Variants in DGKB observed in about 807,000 individuals in gnomAD.
The protein encoded by DGKB is diacylglycerol kinase beta.
In DGKB, 67 loss-of-function variants were observed where a neutral mutation model predicts 114.3. The ratio of observed to expected loss-of-function variants is 0.59; its 90% confidence interval spans 0.48 to 0.72. The LOEUF is 0.72. Ranked by LOEUF, DGKB falls within the 30% of genes least tolerant of loss-of-function variation. DGKB has a pLI of 0.00. For synonymous variants in DGKB, 398 were observed against 323.1 expected, an observed-to-expected ratio of 1.23 and a Z score of -2.49; for missense variants, 907 against 975.2, an observed-to-expected ratio of 0.93 and a Z score of 0.93.
chr7:14,429,894 T>A (rs1370486758), intron 21 of DGKB, among the ~76,000 whole-genome samples: 1 of 151,094 alleles, frequency 6.6e-6, no homozygotes, highest in East Asian at 2.0e-4. Flanking sequence ...GCCACTGGAC[T>A]CCAGCCTGGG....
chr7:14,697,989 GAA>G (rs1824355748), intron 8 of DGKB, 104 bp downstream of exon 8: 1 of 640,812 alleles, frequency 1.6e-6, no homozygotes, highest in South Asian at 1.8e-5. Context: ...AAGAGAGAGA[GAA>G]AGAAAAAAAG....
chr7:14,147,247 G>A lies in DGKB; in HGVS notation c.*1884C>T, dbSNP rs898363967. 4 of 151,988 alleles carry A rather than the reference G, an allele frequency of 2.6e-5. No homozygotes were observed. Among genetic ancestry groups the A allele is most frequent in the Non-Finnish European group, 4.4e-5 (3 of 67,972 alleles). 9.4% of individuals were successfully genotyped at this position (151,988 alleles called of 1,614,324 possible). A position where few individuals can be genotyped will look rare whatever the true frequency, so the allele number is the denominator to read the frequency against. ...AACAACTTTTTTATTTTATACCAGC[G>A]CAAGTGATTGCTGTACTAAATTTGC... is the stretch of plus-strand genomic sequence containing the variant. On this transcript the variant is annotated 3_prime_UTR_variant, in exon 26 of 26. Transcript: ENST00000402815.
intron 23 of DGKB, among the ~76,000 whole-genome samples, chr7:14,273,958 T>C (rs966672306): frequency 6.6e-6 from 1 of 152,240 alleles, no homozygotes; most frequent in Non-Finnish European, 1.5e-5. Flanking sequence ...AATTACTCTT[T>C]TGAGGATTTT....
intron 20 of DGKB, among the ~76,000 whole-genome samples, chr7:14,549,470 T>C (rs1490642230): frequency 6.6e-6 from 1 of 152,144 alleles, no homozygotes; most frequent in Admixed American, 6.5e-5. Context: ...TATATAGTTA[T>C]TTTAAAATAT....
In DGKB at chr7:14,338,568, G is replaced by T; in HGVS notation, c.2069C>A (p.Ser690Tyr). ...ATCTGTGACGGTGGTCCTTTTGTCA[G>T]ACCCTTTTTTCTCTATTCGTCGATG... ...RSHRRIEKKG[S>Y]DKRTTVTDAK... Residue 690 changes from serine to tyrosine, a missense_variant, in exon 23 of 26, where the codon TCT becomes TAT. Ser to Tyr is a moderately radical substitution (Grantham distance 144). This residue lies in a region of DGKB where 814 missense variants were observed against 856.6 expected (regional missense o/e 0.95). Transcript: ENST00000402815. 1 of 1,607,554 alleles carries T rather than the reference G, an allele frequency of 6.2e-7. No homozygotes were observed. Among genetic ancestry groups the T allele is most frequent in the Non-Finnish European group, 8.5e-7 (1 of 1,176,958 alleles).
chr7:14,681,823 C>T (rs1282230463), intron 12 of DGKB, among the ~76,000 whole-genome samples: 4 of 151,938 alleles, frequency 2.6e-5, no homozygotes, highest in African/African-American at 9.7e-5. Flanking sequence ...GGTGAAATTC[C>T]CAAGTGTCCC....
At chr7:14,759,371 C>G (rs79396525) in intron 2 of DGKB, among the ~76,000 whole-genome samples, 1 of 152,066 alleles carries the variant, frequency 6.6e-6, no homozygotes, top group African/African-American at 2.4e-5. Flanking sequence ...ATTTTCATCA[C>G]CCTGTAAAGA....
chr7:14,167,064 A>C (rs2128230947), intron 25 of DGKB, among the ~76,000 whole-genome samples: 1 of 152,026 alleles, frequency 6.6e-6, no homozygotes, highest in Non-Finnish European at 1.5e-5. Context: ...ACAAAAAATT[A>C]CCTGAGCGTA....
intron 13 of DGKB, among the ~76,000 whole-genome samples, chr7:14,668,189 G>C (rs898282019): frequency 5.3e-5 from 8 of 152,040 alleles, no homozygotes; most frequent in Non-Finnish European, 4.4e-5. Context: ...ATGCTACTGG[G>C]ACAATCCTAG....
At chr7:14,607,848 T>TTA (rs397798092) in intron 16 of DGKB, among the ~76,000 whole-genome samples, 1 of 151,870 alleles carries the variant, frequency 6.6e-6, no homozygotes, top group Non-Finnish European at 1.5e-5. Context: ...TGTATTTTTT[T>TTA]AATATTTCAG....
chr7:14,675,254 A>G (rs1819646703), intron 12 of DGKB, among the ~76,000 whole-genome samples: 1 of 152,090 alleles, frequency 6.6e-6, no homozygotes, highest in South Asian at 2.1e-4. Flanking sequence ...TCTTATGCCA[A>G]CGCTGACTAC....
intron 5 of DGKB, among the ~76,000 whole-genome samples, chr7:14,723,563 A>G (rs561833196): frequency 2.0e-5 from 3 of 148,442 alleles, no homozygotes; most frequent in Admixed American, 6.6e-5. Context: ...GTGTGTGTGT[A>G]TATATATGTG....
intron 14 of DGKB, among the ~76,000 whole-genome samples, chr7:14,626,140 G>A (rs541417864): frequency 5.6e-4 from 86 of 152,272 alleles, no homozygotes; most frequent in African/African-American, 2.0e-3. Flanking sequence ...CAGAGGTAGA[G>A]TATTTGTACA....
chr7:14,904,904 A>G (rs1783607808), upstream of DGKB, among the ~76,000 whole-genome samples: 1 of 152,200 alleles, frequency 6.6e-6, no homozygotes, highest in South Asian at 2.1e-4. Flanking sequence ...ACATTTTGAT[A>G]CAAAAGGCCA....
chr7:14,960,892 G>C (rs1403908512), intron 1 of DGKB, among the ~76,000 whole-genome samples: 2 of 151,956 alleles, frequency 1.3e-5, no homozygotes, highest in Non-Finnish European at 2.9e-5. Context: ...ATAAGCCATT[G>C]GTAAATGTTT....
chr7:14,884,550 C>CAGGGAATTTCTG (rs1174578954), intron 1 of DGKB, among the ~76,000 whole-genome samples: 1 of 151,938 alleles, frequency 6.6e-6, no homozygotes, highest in African/African-American at 2.4e-5. Flanking sequence ...TCCCTGACAG[C>CAGGGAATTTCTG]CTGACTTTTT....
intron 19 of DGKB, among the ~76,000 whole-genome samples, chr7:14,579,347 T>C (rs1329626901): frequency 2.6e-5 from 4 of 152,178 alleles, no homozygotes; most frequent in African/African-American, 9.7e-5. Flanking sequence ...GTTAGTGCTT[T>C]GTATGTGGTT....
intron 9 of DGKB, among the ~76,000 whole-genome samples, chr7:14,688,877 T>A (rs10950534): frequency 0.086 from 2,711 of 31,440 alleles, 182 homozygotes; most frequent in African/African-American, 0.23. Flanking sequence ...AATAAAAATC[T>A]TTATCCTAGT....
intron 17 of DGKB, among the ~76,000 whole-genome samples, chr7:14,594,719 C>T (rs1234954321): frequency 6.6e-6 from 1 of 152,000 alleles, no homozygotes; most frequent in African/African-American, 2.4e-5. Flanking sequence ...AGGTTTTATT[C>T]TGTACACATC....
Sources: gnomAD v4.1 joint callset for allele counts (sites outside exome capture counted in the v4.1 genomes callset) on GRCh38, gnomAD v4.1.1 for gene constraint, gnomAD v4.1.1 regional missense constraint, MANE v1.5 for transcripts, NCBI Gene and HGNC (gene_info 2026-07-23, HGNC 2026-07-21) for gene names.